Variants in ADAMTS3 observed in about 807,000 individuals in gnomAD.
The protein encoded by ADAMTS3 is A disintegrin and metalloproteinase with thrombospondin motifs 3.
A neutral mutation model predicts 129.0 loss-of-function variants in ADAMTS3; 73 were observed. The observed-to-expected ratio is 0.57, with a 90% confidence interval of 0.47 to 0.69. The LOEUF (loss-of-function observed/expected upper bound fraction) is 0.69, where lower values mean the gene tolerates loss of function less well. Among genes scored for constraint, ADAMTS3 ranks in the 30% least tolerant of loss-of-function variants. ADAMTS3 has a pLI of 0.00. For missense variants in ADAMTS3, 1,457 were observed against 1,514.5 expected (o/e 0.96, Z 0.63); for synonymous variants, 477 against 510.8 (o/e 0.93, Z 0.89).
rs184017200 is a variant in ADAMTS3 at position 72,321,775 on chromosome 4, A to G, written c.946-905T>C. Among the ~76,000 whole-genome samples the G allele has an allele frequency of 1.7e-3, 265 of 152,298 alleles. 1 individual carries two copies. In the South Asian group the frequency reaches 0.022, roughly 12 times the overall value. On this transcript the variant is annotated intron_variant, in intron 6 of 21. Coordinates refer to ENST00000286657, the MANE Select transcript of ADAMTS3 (RefSeq NM_014243.3). ...TATATTAACTTTACACTAAAAAACA[A>G]AAACAAAAACTCCCATTTTTTTTTT...
At chr4:72,478,641 G>T (rs1256707503) in intron 3 of ADAMTS3, among the ~76,000 whole-genome samples, 1 of 149,098 alleles carries the variant, frequency 6.7e-6, no homozygotes, top group Non-Finnish European at 1.5e-5. Flanking sequence ...ACAAGACAGG[G>T]ATGCCCTCTC....
intron 2 of ADAMTS3, among the ~76,000 whole-genome samples, chr4:72,550,244 C>G (rs1347110457): frequency 6.6e-6 from 1 of 151,846 alleles, no homozygotes; most frequent in Admixed American, 6.6e-5. Context: ...AACTGCTCAC[C>G]TATGGAGATC....
chr4:72,524,045 C>T lies in ADAMTS3; in HGVS notation c.504+24433G>A, dbSNP rs192244547. On this transcript the variant is annotated intron_variant, in intron 3 of 21. Coordinates refer to ENST00000286657, the MANE Select transcript of ADAMTS3 (RefSeq NM_014243.3). ...TAACTGCCAAAAACTTTAGAGCAAT[C>T]CTTATTTCCCAAGTGTTTAATTTTG... is the stretch of plus-strand genomic sequence containing the variant. Among the ~76,000 whole-genome samples the T allele has an allele frequency of 4.9e-3, 747 of 152,214 alleles. 1 individual carries two copies. The highest frequency in any genetic ancestry group is 8.3e-3 in the Non-Finnish European group (563 of 67,972).
Position 72,339,505 on chromosome 4 carries a change from G to C in ADAMTS3, c.850C>G (p.Leu284Val). The change falls in exon 5 of 22, where the codon CTA (leucine) becomes GTA (valine). Residue 284 changes from leucine to valine, a missense_variant. Physicochemically the swap from Leu to Val is conservative, Grantham distance 32. Coordinates refer to ENST00000286657, the MANE Select transcript of ADAMTS3 (RefSeq NM_014243.3). ...GAGTCACTACTCACAATGTTCATTA[G>C]GGTCAGGAGGTAGTTTTGGACGTGC... The part of the protein sequence containing the change: ...KEHVQNYLLT[L>V]MNIVNEIYHD... 6.2e-7 allele frequency: 1 copy of C among 1,613,870 alleles called. No individual in the cohort carries two copies. The highest frequency in any genetic ancestry group is 1.1e-5 in the South Asian group (1 of 91,072).
At chr4:72,504,071 G>C (rs1490334433) in intron 3 of ADAMTS3, among the ~76,000 whole-genome samples, 1 of 152,142 alleles carries the variant, frequency 6.6e-6, no homozygotes, top group Non-Finnish European at 1.5e-5. Flanking sequence ...TGCCATTTAA[G>C]TGGGATGTTT....
chr4:72,293,981 A>C (rs1718743200), intron 19 of ADAMTS3, among the ~76,000 whole-genome samples: 1 of 152,162 alleles, frequency 6.6e-6, no homozygotes, highest in Admixed American at 6.6e-5. Flanking sequence ...AACAATGGAC[A>C]ATAGGAGAGA....
At position 72,341,706 on chromosome 4, in the gene ADAMTS3, A is replaced by T. The variant is rs563454013; in HGVS notation, c.662-2013T>A. ...AGTAGGCTGAATACTTATTTCAGAG[A>T]GGCAGTTCATTCTGCTTTAACACAC... On this transcript the variant is annotated intron_variant, in intron 4 of 21. Coordinates refer to ENST00000286657, the MANE Select transcript of ADAMTS3 (RefSeq NM_014243.3). 3.3e-5 allele frequency among the ~76,000 whole-genome samples: 5 copies of T among 152,314 alleles called. No individual in the cohort carries two copies. In the East Asian group the frequency reaches 7.7e-4, roughly 24 times the overall value.
At chr4:72,558,583 A>G (rs911836550) in intron 2 of ADAMTS3, among the ~76,000 whole-genome samples, 4 of 151,758 alleles carry the variant, frequency 2.6e-5, no homozygotes, top group African/African-American at 9.7e-5. Context: ...ACATACTCGC[A>G]GGTTCCAAGG....
At chr4:72,459,091 A>G (rs538011535) in intron 3 of ADAMTS3, among the ~76,000 whole-genome samples, 1 of 151,732 alleles carries the variant, frequency 6.6e-6, no homozygotes, top group African/African-American at 2.4e-5. Context: ...CACAACAAAT[A>G]TTAGATAAAG....
chr4:72,416,411 AC>A (rs1285958167), intron 3 of ADAMTS3, among the ~76,000 whole-genome samples: 1 of 151,912 alleles, frequency 6.6e-6, no homozygotes, highest in Non-Finnish European at 1.5e-5. Context: ...ATGTGCACAT[AC>A]AAACAGCCCT....
chr4:72,492,048 T>C (rs1719759837), intron 3 of ADAMTS3, among the ~76,000 whole-genome samples: 1 of 151,730 alleles, frequency 6.6e-6, no homozygotes, highest in African/African-American at 2.4e-5. Flanking sequence ...ATCTAGTTTT[T>C]CGGGATATAA....
At chr4:72,424,219 T>C (rs1578667380) in intron 3 of ADAMTS3, among the ~76,000 whole-genome samples, 1 of 152,202 alleles carries the variant, frequency 6.6e-6, no homozygotes, top group East Asian at 1.9e-4. Flanking sequence ...GCTAGAGTCC[T>C]ACGTTAAAGA....
At chr4:72,386,483 A>G (rs1721452791) in intron 4 of ADAMTS3, among the ~76,000 whole-genome samples, 1 of 152,090 alleles carries the variant, frequency 6.6e-6, no homozygotes, top group Non-Finnish European at 1.5e-5. Context: ...TCTTTTTTTT[A>G]AAGTAACTAT....
At chr4:72,553,033 CCATGAATGAAGAAATGAAGAAATG>C (rs1241481759) in intron 2 of ADAMTS3, among the ~76,000 whole-genome samples, 2 of 72,226 alleles carry the variant, frequency 2.8e-5, no homozygotes, top group African/African-American at 1.1e-4. Flanking sequence ...CAATAAATAT[CCATGAATGAAGAAATGAAGAAATG>C]CGTGAATGAA....
chr4:72,529,892 A>T (rs1293633536), intron 3 of ADAMTS3, among the ~76,000 whole-genome samples: 1 of 68,364 alleles, frequency 1.5e-5, no homozygotes, highest in African/African-American at 6.0e-5. Flanking sequence ...AATATATTAT[A>T]TATTATATAT....
At chr4:72,414,768 A>T in intron 4 of ADAMTS3, 47 bp downstream of exon 4, 1 of 1,306,962 alleles carries the variant, frequency 7.7e-7, no homozygotes, top group Non-Finnish European at 9.9e-7. Context: ...TGTTTTCATC[A>T]TATCTTAAAA....
In ADAMTS3 at chr4:72,298,401, A is replaced by C; in HGVS notation, c.2466T>G (p.Tyr822Ter). 1 of 1,612,414 alleles carries C rather than the reference A, an allele frequency of 6.2e-7. No homozygotes were observed. Among genetic ancestry groups the C allele is most frequent in the Non-Finnish European group, 8.5e-7 (1 of 1,178,838 alleles). ...CAGAGTCTTCATGGATGATGTACTT[A>C]TATGTCAGGCTAGAGCGGGTATCAT... Reference protein sequence around the residue: ...QENDTRSSLTYKYIIHEDSVP... With the variant: ...QENDTRSSLT The change falls in exon 18 of 22, where the codon TAT becomes TAG. Residue 822 changes from tyrosine to a stop codon, truncating the protein, a stop_gained. Transcript: ENST00000286657. LOFTEE classifies it high-confidence loss of function.
chr4:72,439,697 A>G (rs1006294680), intron 3 of ADAMTS3, among the ~76,000 whole-genome samples: 1 of 151,752 alleles, frequency 6.6e-6, no homozygotes, highest in Admixed American at 6.6e-5. Context: ...GGCAACAGAC[A>G]TTCATTTCAA....
chr4:72,321,065 A>G (rs970687881), intron 6 of ADAMTS3, among the ~76,000 whole-genome samples, 195 bp from the exon 7 acceptor site: 1 of 152,214 alleles, frequency 6.6e-6, no homozygotes, highest in Non-Finnish European at 1.5e-5. Context: ...AATCAATTTT[A>G]CCTGTGTGAA....
Sources: allele counts gnomAD v4.1 joint callset (sites outside exome capture counted in the v4.1 genomes callset), GRCh38; gene constraint gnomAD v4.1.1; transcripts MANE v1.5; gene names NCBI Gene and HGNC (gene_info 2026-07-23, HGNC 2026-07-21).